ROBO2: variants seen among roughly 807,000 people sequenced by gnomAD.
ROBO2 encodes roundabout homolog 2.
A neutral mutation model predicts 160.8 loss-of-function variants in ROBO2; 53 were observed. That is an observed-to-expected ratio of 0.33 (90% confidence interval 0.26 to 0.41). The LOEUF (loss-of-function observed/expected upper bound fraction) is 0.41. ROBO2 is among the 10% of genes least tolerant of loss of function. ROBO2 has a pLI of 1.00. For synonymous variants in ROBO2, 664 were observed against 611.7 expected (o/e 1.09, Z -1.26); for missense variants, 1,577 against 1,722.4 (o/e 0.92, Z 1.49).
chr3:77,301,904 A>C (rs1193309235), intron 2 of ROBO2, among the ~76,000 whole-genome samples: 4 of 143,742 alleles, frequency 2.8e-5, no homozygotes, highest in East Asian at 2.0e-4. Flanking sequence ...TTTTTAAGTT[A>C]TTTCTTTCTT....
intron 2 of ROBO2, among the ~76,000 whole-genome samples, chr3:77,266,162 G>A (rs1046610375): frequency 7.9e-5 from 12 of 151,402 alleles, no homozygotes; most frequent in East Asian, 1.9e-4. Flanking sequence ...AAAAACTTTC[G>A]CTTTTCCCCA....
intron 23 of ROBO2, chr3:77,632,448 CACTAG>C (rs1253551411): frequency 6.6e-7 from 1 of 1,505,102 alleles, no homozygotes; most frequent in Admixed American, 2.0e-5. Flanking sequence ...ATATACAACT[CACTAG>C]ACAACTACAT....
chr3:76,299,279 G>A (rs7628278), intron 2 of ROBO2, among the ~76,000 whole-genome samples: 126,730 of 152,180 alleles, frequency 0.83, 55,182 homozygotes, highest in Non-Finnish European at 0.98. Flanking sequence ...GATAGGAAGC[G>A]TGGGGCTTCA....
chr3:76,655,932 C>T (rs2091501314), intron 2 of ROBO2, among the ~76,000 whole-genome samples: 1 of 151,912 alleles, frequency 6.6e-6, no homozygotes, highest in South Asian at 2.1e-4. Flanking sequence ...GACTTAATAA[C>T]AGAATAATTT....
At chr3:77,275,079 C>T (rs2059743793) in intron 2 of ROBO2, among the ~76,000 whole-genome samples, 1 of 151,972 alleles carries the variant, frequency 6.6e-6, no homozygotes, top group South Asian at 2.1e-4. Flanking sequence ...TGCTGAAGAA[C>T]ATTTGAAAAT....
chr3:77,559,999 T>C (rs1221772757), intron 9 of ROBO2, among the ~76,000 whole-genome samples: 3 of 152,174 alleles, frequency 2.0e-5, no homozygotes, highest in Non-Finnish European at 4.4e-5. Flanking sequence ...TCTCTTTGTG[T>C]AAACACTTTA....
At chr3:75,931,520 T>G (rs7628254) in intron 1 of ROBO2, among the ~76,000 whole-genome samples, 19,704 of 151,976 alleles carry the variant, frequency 0.13, 4,166 homozygotes, top group African/African-American at 0.44. Context: ...CCTGGCTAAC[T>G]GTTTTATTTT....
chr3:76,879,301 A>C (rs1331019056), intron 2 of ROBO2, among the ~76,000 whole-genome samples: 1 of 152,116 alleles, frequency 6.6e-6, no homozygotes, highest in Non-Finnish European at 1.5e-5. Flanking sequence ...GGGTCACCTG[A>C]GAATCTGGTT....
At chr3:76,707,256 A>G (rs2093183780) in intron 2 of ROBO2, among the ~76,000 whole-genome samples, 1 of 152,218 alleles carries the variant, frequency 6.6e-6, no homozygotes, top group African/African-American at 2.4e-5. Flanking sequence ...ATCTACAAAA[A>G]TAATGTGCAC....
rs767565241 is a variant in ROBO2 at position 77,217,011 on chromosome 3, G to C, written c.388+118671G>C. On this transcript the variant is annotated intron_variant, in intron 2 of 25. Coordinates refer to ENST00000461745, the Ensembl canonical transcript of ROBO2. ...CAAGTAATTGATGTTAGAGCTTCAA[G>C]GGACAGGACAGAGCTTGTCAAGGGA... 2.0e-5 allele frequency among the ~76,000 whole-genome samples: 3 copies of C among 152,134 alleles called. No homozygotes were observed. In the East Asian group the frequency reaches 5.8e-4, roughly 29 times the overall value.
chr3:76,237,932 T>C (rs1040440613), intron 2 of ROBO2, among the ~76,000 whole-genome samples: 12 of 152,164 alleles, frequency 7.9e-5, no homozygotes, highest in Admixed American at 5.2e-4. Context: ...GAGAGGCATC[T>C]TATCAGCCTT....
At chr3:76,636,042 T>C (rs927431356) in intron 2 of ROBO2, among the ~76,000 whole-genome samples, 2 of 152,222 alleles carry the variant, frequency 1.3e-5, no homozygotes, top group African/African-American at 4.8e-5. Context: ...CTTAATTATC[T>C]ACTTAATCAT....
At chr3:76,161,728 G>A (rs2072647216) in intron 2 of ROBO2, among the ~76,000 whole-genome samples, 1 of 152,160 alleles carries the variant, frequency 6.6e-6, no homozygotes, top group South Asian at 2.1e-4. Context: ...ATGTTCACAT[G>A]TTTCCCATGG....
chr3:76,306,394 G>C (rs1420946484), intron 2 of ROBO2, among the ~76,000 whole-genome samples: 1 of 151,836 alleles, frequency 6.6e-6, no homozygotes, highest in East Asian at 1.9e-4. Flanking sequence ...TCAGAGATTA[G>C]TAAAAATTAT....
intron 1 of ROBO2, among the ~76,000 whole-genome samples, chr3:77,057,569 A>ATTTTTTT (rs71104648): frequency 6.8e-4 from 72 of 105,260 alleles, no homozygotes; most frequent in East Asian, 1.6e-3. Flanking sequence ...ATTCCAGAGG[A>ATTTTTTT]TTTTTTTTTT....
intron 2 of ROBO2, among the ~76,000 whole-genome samples, chr3:77,469,325 T>G (rs34817450): frequency 0.16 from 24,066 of 152,040 alleles, 1,944 homozygotes; most frequent in South Asian, 0.21. Context: ...TGAGGATCGG[T>G]CTCCCCCTGG....
intron 2 of ROBO2, among the ~76,000 whole-genome samples, chr3:76,269,141 T>A (rs1321994706): frequency 1.3e-5 from 2 of 152,074 alleles, no homozygotes; most frequent in South Asian, 2.1e-4. Context: ...TTATTATACT[T>A]TTAAAAACAA....
chr3:77,103,407 CTTT>C (rs11409908), intron 2 of ROBO2, among the ~76,000 whole-genome samples: 1 of 146,650 alleles, frequency 6.8e-6, no homozygotes, highest in Admixed American at 6.8e-5. Context: ...AGAAACCAAT[CTTT>C]TTTTTTTTTT....
chr3:76,182,298 C>T (rs1701544569), intron 2 of ROBO2, among the ~76,000 whole-genome samples: 1 of 152,098 alleles, frequency 6.6e-6, no homozygotes. Context: ...TTCCTGAACA[C>T]ATATATCCTT....
Sources: allele counts gnomAD v4.1 joint callset (sites outside exome capture counted in the v4.1 genomes callset), GRCh38; gene constraint gnomAD v4.1.1; transcripts MANE v1.5; gene names NCBI Gene and HGNC (gene_info 2026-07-23, HGNC 2026-07-21).